The following VPS13B variants were observed in gnomAD, a reference collection of about 807,000 sequenced individuals.
The protein encoded by VPS13B is intermembrane lipid transfer protein VPS13B.
In VPS13B, 285 loss-of-function variants were observed where a neutral mutation model predicts 426.4. The observed-to-expected ratio is 0.67, with a 90% CI of 0.61 to 0.74. VPS13B has a LOEUF of 0.74. VPS13B is among the 30% of genes least tolerant of loss of function. VPS13B has a pLI of 0.00. For synonymous variants in VPS13B, 1,676 were observed against 1,676.4 expected (o/e 1.00, Z 0.01); for missense variants, 4,537 against 4,782.6 (o/e 0.95, Z 1.51).
intron 39 of VPS13B, among the ~76,000 whole-genome samples, chr8:99,739,085 G>A (rs550796490): frequency 4.6e-5 from 7 of 152,214 alleles, no homozygotes; most frequent in Non-Finnish European, 1.0e-4. Context: ...CAAAGAAAGG[G>A]GTGACAGACG....
At chr8:99,051,249 G>A (rs1843533767) in intron 3 of VPS13B, among the ~76,000 whole-genome samples, 1 of 152,132 alleles carries the variant, frequency 6.6e-6, no homozygotes, top group African/African-American at 2.4e-5. Context: ...TCTACATATG[G>A]CTAGCCAGTT....
At chr8:99,122,968 C>A (rs1471979412) in intron 8 of VPS13B, among the ~76,000 whole-genome samples, 5 of 151,124 alleles carry the variant, frequency 3.3e-5, no homozygotes, top group Admixed American at 3.3e-4. Context: ...AAAAAATTAC[C>A]CAATTAGCTG....
chr8:99,696,608 C>G, intron 35 of VPS13B: 2 of 639,652 alleles, frequency 3.1e-6, no homozygotes, highest in South Asian at 3.2e-5. Context: ...AGGAGGAGAG[C>G]CTGAAGGAGC....
intron 51 of VPS13B, among the ~76,000 whole-genome samples, chr8:99,828,430 T>TTTTTTTTTTTC (rs1814852670): frequency 9.2e-6 from 1 of 109,030 alleles, no homozygotes; most frequent in Admixed American, 1.0e-4. Context: ...TTTTTTTTTT[T>TTTTTTTTTTTC]TTTTGCTTTC....
At chr8:99,670,043 A>G (rs1306733436) in intron 35 of VPS13B, among the ~76,000 whole-genome samples, 1 of 152,116 alleles carries the variant, frequency 6.6e-6, no homozygotes, top group African/African-American at 2.4e-5. Context: ...TTATATGAAT[A>G]TAAAGTAGAA....
chr8:99,331,101 AT>A (rs1489228842), intron 19 of VPS13B, among the ~76,000 whole-genome samples: 1 of 151,802 alleles, frequency 6.6e-6, no homozygotes, highest in African/African-American at 2.4e-5. Context: ...TCTTTTCGGA[AT>A]AAGGATGCAT....
intron 19 of VPS13B, among the ~76,000 whole-genome samples, chr8:99,360,208 CTCTTTCTT>C (rs796374954): frequency 1.4e-3 from 28 of 20,620 alleles, no homozygotes; most frequent in African/African-American, 5.5e-3. Flanking sequence ...CTCTCTCTCT[CTCTTTCTT>C]TCTTTCTTTC....
chr8:99,696,381 C>T (rs1832002867), intron 35 of VPS13B: 5 of 313,418 alleles, frequency 1.6e-5, no homozygotes, highest in South Asian at 1.6e-4. Context: ...TGCTGTGGAT[C>T]CATGCCAAGA....
At position 99,145,582 on chromosome 8, in the gene VPS13B, T is replaced by C. The variant is rs567370596; in HGVS notation, c.1844-2259T>C. Among the ~76,000 whole-genome samples the C allele has an allele frequency of 2.7e-5, 3 of 110,514 alleles. No individual in the cohort carries two copies. In the South Asian group the frequency reaches 7.6e-4, roughly 28 times the overall value. 72.5% of individuals were successfully genotyped at this position (110,514 alleles called of 152,430 possible). Reference sequence around the variant, plus strand: ...GTGAAATCATACAGTATGTAAGCTTTTGAGGTTGACTTATTTTGCTGAGCA... The same window carrying C: ...GTGAAATCATACAGTATGTAAGCTTCTGAGGTTGACTTATTTTGCTGAGCA... On this transcript the variant is annotated intron_variant, in intron 13 of 61. Coordinates refer to ENST00000357162, the MANE Select transcript of VPS13B (RefSeq NM_152564.5).
intron 34 of VPS13B, among the ~76,000 whole-genome samples, chr8:99,646,239 GCA>G (rs1302979325): frequency 6.6e-6 from 1 of 152,128 alleles, no homozygotes; most frequent in Non-Finnish European, 1.5e-5. Flanking sequence ...TTTTGGGTGG[GCA>G]CAGTGTCTCA....
intron 43 of VPS13B, among the ~76,000 whole-genome samples, chr8:99,784,863 G>A (rs1437074878): frequency 6.6e-6 from 1 of 152,074 alleles, no homozygotes; most frequent in Non-Finnish European, 1.5e-5. Context: ...TATGTATAAG[G>A]CATTAATACA....
Position 99,717,297 on chromosome 8 carries a change from G to T in VPS13B, c.6581G>T (p.Cys2194Phe). ...CATANLEAKW[C>F]KHSGNPGPEQ... Reference sequence around the variant, plus strand: ...ACTGCCAATCTGGAAGCTAAGTGGTGTAAACACAGCGGGAATCCAGGCCCA... The same window carrying T: ...ACTGCCAATCTGGAAGCTAAGTGGTTTAAACACAGCGGGAATCCAGGCCCA... Residue 2194 changes from cysteine to phenylalanine, a missense_variant, in exon 37 of 62, where the codon TGT becomes TTT. By Grantham distance (205) the Cys-to-Phe change is radical. Around this residue, in one of 2 missense-constraint regions of VPS13B, gnomAD observed 4,311 missense variants for 4,474.3 expected, o/e 0.96. Coordinates refer to ENST00000357162, the MANE Select transcript of VPS13B (RefSeq NM_152564.5). 1 of 1,614,014 alleles carries T rather than the reference G, an allele frequency of 6.2e-7. No individual in the cohort carries two copies. The highest frequency in any genetic ancestry group is 1.7e-5 in the Admixed American group (1 of 59,986).
At chr8:99,664,116 C>T (rs539913936) in intron 35 of VPS13B, among the ~76,000 whole-genome samples, 3 of 151,182 alleles carry the variant, frequency 2.0e-5, no homozygotes, top group South Asian at 2.1e-4. Flanking sequence ...AAGCGATTCT[C>T]CTGCCTCAGC....
chr8:99,098,032 T>A (rs747379129), intron 4 of VPS13B, among the ~76,000 whole-genome samples: 1 of 152,354 alleles, frequency 6.6e-6, no homozygotes, highest in Non-Finnish European at 1.5e-5. Flanking sequence ...TTTCAAAGCA[T>A]CACTATCATG....
intron 33 of VPS13B, among the ~76,000 whole-genome samples, chr8:99,585,985 T>G (rs1270320244): frequency 6.6e-6 from 1 of 152,208 alleles, no homozygotes. Flanking sequence ...TTATCATTCA[T>G]TAGCCCACAT....
At chr8:99,486,305 A>G (rs1262053379) in intron 25 of VPS13B, among the ~76,000 whole-genome samples, 2 of 151,890 alleles carry the variant, frequency 1.3e-5, no homozygotes, top group African/African-American at 4.8e-5. Context: ...GGCTCAGTGC[A>G]ACCTCTGCCT....
chr8:99,024,063 T>G (rs563429222), intron 2 of VPS13B, among the ~76,000 whole-genome samples: 2 of 152,178 alleles, frequency 1.3e-5, no homozygotes, highest in African/African-American at 2.4e-5. Context: ...CTCAGCAGTA[T>G]TTTGTTTGTT....
intron 33 of VPS13B, among the ~76,000 whole-genome samples, chr8:99,608,006 G>T (rs566867478): frequency 1.3e-5 from 2 of 152,056 alleles, no homozygotes; most frequent in South Asian, 4.2e-4. Flanking sequence ...TATTTGTTTT[G>T]GTTGAAGCAT....
intron 34 of VPS13B, among the ~76,000 whole-genome samples, chr8:99,651,190 A>G (rs1829801642): frequency 6.6e-6 from 1 of 152,126 alleles, no homozygotes; most frequent in Non-Finnish European, 1.5e-5. Flanking sequence ...AGTGGAATCT[A>G]TACCTACATC....
Sources: allele counts gnomAD v4.1 joint callset (sites outside exome capture counted in the v4.1 genomes callset), GRCh38; gene constraint gnomAD v4.1.1; regional missense constraint gnomAD v4.1.1; transcripts MANE v1.5; gene names NCBI Gene and HGNC (gene_info 2026-07-23, HGNC 2026-07-21).